Variants in JMJD1C observed in about 807,000 individuals in gnomAD.
The protein encoded by JMJD1C is jumonji domain containing 1C.
Under a neutral mutation model 245.3 loss-of-function variants are expected in JMJD1C, and 31 were observed. The observed-to-expected ratio is 0.13, with a 90% confidence interval of 0.09 to 0.17. The LOEUF (loss-of-function observed/expected upper bound fraction) is 0.17, where lower values mean the gene tolerates loss of function less well. Among genes scored for constraint, JMJD1C ranks in the 10% least tolerant of loss-of-function variants. JMJD1C has a pLI of 1.00. For synonymous variants in JMJD1C, 1,057 were observed against 1,017.4 expected (o/e 1.04, Z -0.74); for missense variants, 2,691 against 3,000.2 (o/e 0.90, Z 2.41).
At chr10:63,383,882 G>A (rs1477035343) in intron 1 of JMJD1C, among the ~76,000 whole-genome samples, 1 of 152,134 alleles carries the variant, frequency 6.6e-6, no homozygotes, top group Non-Finnish European at 1.5e-5. Context: ...TGGGGTGTTT[G>A]TGACAATTTC....
intron 2 of JMJD1C, among the ~76,000 whole-genome samples, chr10:63,378,129 ATTGT>A (rs576252586): frequency 2.7e-3 from 413 of 151,998 alleles, no homozygotes; most frequent in Non-Finnish European, 4.2e-3. Flanking sequence ...AAGGTTGGTG[ATTGT>A]TTAAGTAGGC....
intron 3 of JMJD1C, among the ~76,000 whole-genome samples, chr10:63,233,913 T>A (rs1367368075): frequency 6.6e-6 from 1 of 152,018 alleles, no homozygotes; most frequent in African/African-American, 2.4e-5. Flanking sequence ...TTTGCTTTTA[T>A]AATGAGAAAA....
chr10:63,476,382 G>A (rs1372619604), intron 1 of JMJD1C, among the ~76,000 whole-genome samples: 1 of 151,964 alleles, frequency 6.6e-6, no homozygotes, highest in South Asian at 2.1e-4. Flanking sequence ...CAAGAGTCAT[G>A]ACAAATTCTC....
At chr10:63,240,904 C>G (rs1000856681) in intron 3 of JMJD1C, among the ~76,000 whole-genome samples, 8 of 151,978 alleles carry the variant, frequency 5.3e-5, no homozygotes, top group African/African-American at 1.9e-4. Context: ...AGAACTGGAA[C>G]AAAAAAATAC....
intron 2 of JMJD1C, chr10:63,358,911 A>T (rs1166571383): frequency 6.4e-6 from 1 of 156,294 alleles, no homozygotes; most frequent in Admixed American, 6.4e-5. Context: ...GACCCTCCGA[A>T]AATGAAGATG....
chr10:63,275,883 CATTTT>C (rs1856727855), intron 2 of JMJD1C, among the ~76,000 whole-genome samples: 1 of 152,074 alleles, frequency 6.6e-6, no homozygotes, highest in East Asian at 1.9e-4. Context: ...TTAAGTTGCT[CATTTT>C]ATTTAATAAT....
Position 63,228,325 on chromosome 10 carries a change from ATTC to A in JMJD1C, c.448-8345_448-8343del, listed in dbSNP as rs377665887. Among the ~76,000 whole-genome samples, 141 of 152,310 alleles carry A rather than the reference ATTC, an allele frequency of 9.3e-4. 1 individual carries two copies. The highest frequency in any genetic ancestry group is 3.1e-3 in the African/African-American group (127 of 41,576). ...ATAGAATGTTTAGGTGTTATGACAT[ATTC>A]TTCTTTTTGAGTTTTTTTCAACTGT... On this transcript the variant is annotated intron_variant, in intron 3 of 25. Transcript: ENST00000399262.
intron 1 of JMJD1C, among the ~76,000 whole-genome samples, chr10:63,464,058 T>G (rs1953001105): frequency 6.6e-6 from 1 of 152,126 alleles, no homozygotes; most frequent in Non-Finnish European, 1.5e-5. Context: ...AGTCCTGGGC[T>G]CTAGCAATCC....
chr10:63,171,391 T>C (rs552550466), intron 24 of JMJD1C, among the ~76,000 whole-genome samples: 2 of 152,358 alleles, frequency 1.3e-5, no homozygotes, highest in Admixed American at 1.3e-4. Context: ...GTGGCTATGC[T>C]GCTTTCCCTC....
At chr10:63,377,570 ACT>A (rs1232902703) in intron 2 of JMJD1C, among the ~76,000 whole-genome samples, 2 of 152,078 alleles carry the variant, frequency 1.3e-5, no homozygotes, top group African/African-American at 4.8e-5. Flanking sequence ...CCCTGTCTCT[ACT>A]AAAAATATGA....
intron 1 of JMJD1C, among the ~76,000 whole-genome samples, chr10:63,507,398 C>T (rs1261757189): frequency 6.6e-6 from 1 of 152,044 alleles, no homozygotes; most frequent in Non-Finnish European, 1.5e-5. Context: ...AATCCCAGCA[C>T]TTTGGGAGGC....
chr10:63,363,121 A>G (rs1945529789), intron 2 of JMJD1C, among the ~76,000 whole-genome samples: 2 of 152,120 alleles, frequency 1.3e-5, no homozygotes, highest in Admixed American at 6.5e-5. Flanking sequence ...TGATGGGCCA[A>G]ATGTCCTTAA....
rs59823871 is a variant in JMJD1C, at chr10:63,424,497, C to CTTTTTTTT, written c.168+40990_168+40997dup. ...ACTTACACAAAAACCATTATTATTT[C>CTTTTTTTT]TTTTTTTTTTTTTTTTTTTTTCTTT... On this transcript the variant is annotated intron_variant, in intron 1 of 25. Transcript: ENST00000399262. 8.4e-4 allele frequency among the ~76,000 whole-genome samples: 87 copies of CTTTTTTTT among 103,376 alleles called. 1 individual carries two copies. Among genetic ancestry groups the CTTTTTTTT allele is most frequent in the East Asian group, 1.7e-3 (5 of 2,966 alleles). The allele number at this position is 103,376 out of a possible 152,430, so 67.8% of individuals were successfully genotyped here. A position where few individuals can be genotyped will look rare whatever the true frequency, so the allele number is the denominator to read the frequency against.
intron 2 of JMJD1C, among the ~76,000 whole-genome samples, chr10:63,294,645 C>A (rs1859165897): frequency 6.6e-6 from 1 of 152,218 alleles, no homozygotes; most frequent in Non-Finnish European, 1.5e-5. Flanking sequence ...TGTATCTCAT[C>A]ACTCAAAATT....
intron 3 of JMJD1C, among the ~76,000 whole-genome samples, chr10:63,262,130 G>GTA (rs1854845556): frequency 6.6e-6 from 1 of 152,062 alleles, no homozygotes; most frequent in Non-Finnish European, 1.5e-5. Context: ...ACTTACAGAG[G>GTA]GTTACCCTAA....
Position 63,197,393 on chromosome 10 carries a change from A to G in JMJD1C, c.5644+18T>C, listed in dbSNP as rs1231233211. ...AAAATTATAAAAAACTTCAATTTAT[A>G]TAAACTTATACACCAACCTCTAGAA... On this transcript the variant is annotated intron_variant, in intron 13 of 25. Coordinates refer to ENST00000399262, the MANE Select transcript of JMJD1C (RefSeq NM_032776.3). The G allele has an allele frequency of 6.3e-7, 1 of 1,593,190 alleles. No individual in the cohort carries two copies.
chr10:63,349,347 T>G (rs1008332875), intron 2 of JMJD1C, among the ~76,000 whole-genome samples: 2 of 152,222 alleles, frequency 1.3e-5, no homozygotes, highest in African/African-American at 4.8e-5. Context: ...ACACAATGCC[T>G]GGTATGGAGC....
intron 1 of JMJD1C, among the ~76,000 whole-genome samples, chr10:63,490,025 C>T (rs1388496667): frequency 6.6e-6 from 1 of 152,204 alleles, no homozygotes; most frequent in Non-Finnish European, 1.5e-5. Flanking sequence ...ATCTAGGTTG[C>T]ATGTTCCTTA....
chr10:63,460,211 T>G (rs1225553169), intron 1 of JMJD1C, among the ~76,000 whole-genome samples: 1 of 152,036 alleles, frequency 6.6e-6, no homozygotes, highest in African/African-American at 2.4e-5. Flanking sequence ...AACAAAAAAT[T>G]TACAATTAAG....
Sources: allele counts gnomAD v4.1 joint callset (sites outside exome capture counted in the v4.1 genomes callset), GRCh38; gene constraint gnomAD v4.1.1; transcripts MANE v1.5; gene names NCBI Gene and HGNC (gene_info 2026-07-23, HGNC 2026-07-21).